The following SCP2 variants were observed in gnomAD, a reference collection of about 807,000 sequenced individuals.
SCP2 encodes SCP-2/3-oxoacyl-CoA thiolase.
In SCP2, 48 loss-of-function variants were observed where a neutral mutation model predicts 71.4. The observed-to-expected ratio is 0.67, with a 90% CI of 0.53 to 0.86. The LOEUF (loss-of-function observed/expected upper bound fraction) is 0.86. Ranked by LOEUF, SCP2 falls within the 40% of genes least tolerant of loss-of-function variation. SCP2 has a pLI of 0.00. For missense variants in SCP2, 560 were observed against 655.6 expected (o/e 0.85, Z 1.59); for synonymous variants, 220 against 218.1 (o/e 1.01, Z -0.08).
chr1:53,042,390 G>A (rs1014380008), intron 14 of SCP2, among the ~76,000 whole-genome samples: 8 of 151,220 alleles, frequency 5.3e-5, no homozygotes, highest in African/African-American at 1.9e-4. Context: ...GGTTGATAGC[G>A]TTGGTTTGTC....
intron 5 of SCP2, among the ~76,000 whole-genome samples, chr1:52,960,740 GTGTA>G (rs926421984): frequency 4.7e-4 from 70 of 150,062 alleles, no homozygotes; most frequent in Non-Finnish European, 8.9e-5. Context: ...GTGTGTGTGT[GTGTA>G]TATTTATTTA....
Position 52,988,108 on chromosome 1 carries a change from T to A in SCP2, c.1053T>A (p.Ile351=), listed in dbSNP as rs767024762. The change falls in exon 11 of 16, where the codon ATT becomes ATA. Residue 351 remains isoleucine, a synonymous_variant. Coordinates refer to ENST00000371514, the MANE Select transcript of SCP2 (RefSeq NM_002979.5). ...TCATAAATCCTAGTGGTGGACTGAT[T>A]TCAAAGGGACACCCACTAGGCGCTA... ...KWVINPSGGL[I]SKGHPLGATG... 6 of 1,590,362 alleles carry A rather than the reference T, an allele frequency of 3.8e-6. No individual in the cohort carries two copies. Among genetic ancestry groups the A allele is most frequent in the East Asian group, 4.5e-5 (2 of 44,686 alleles).
At chr1:52,995,705 A>G in intron 11 of SCP2, 2 of 753,098 alleles carry the variant, frequency 2.7e-6, no homozygotes, top group Admixed American at 1.7e-5. Context: ...CCAGAACAGC[A>G]GCTACTTTGT....
rs553613701 is a variant in SCP2, at chr1:52,929,917, C to T, written c.69+2452C>T. ...GGATTACAGGCGTGAGCCACCGCAC[C>T]TGGCCGTCAACAGGTTTTAACACAA... On this transcript the variant is annotated intron_variant, in intron 1 of 15. Coordinates refer to ENST00000371514, the MANE Select transcript of SCP2 (RefSeq NM_002979.5). Among the ~76,000 whole-genome samples, 8 of 152,354 alleles carry T rather than the reference C, an allele frequency of 5.3e-5. No individual in the cohort carries two copies. The East Asian group carries it at 1.5e-3, about 29-fold the overall frequency.
intron 14 of SCP2, among the ~76,000 whole-genome samples, chr1:53,047,422 G>A (rs1306586264): frequency 6.6e-6 from 1 of 152,198 alleles, no homozygotes; most frequent in African/African-American, 2.4e-5. Flanking sequence ...GTTACTATTA[G>A]TAATATATTG....
intron 11 of SCP2, among the ~76,000 whole-genome samples, chr1:53,000,652 A>G (rs1219995384): frequency 1.3e-5 from 2 of 152,162 alleles, no homozygotes; most frequent in African/African-American, 4.8e-5. Context: ...AGCCTCCTGA[A>G]GCTTTTAAAA....
intron 1 of SCP2, among the ~76,000 whole-genome samples, chr1:52,939,685 T>C (rs954922291): frequency 6.6e-6 from 1 of 152,218 alleles, no homozygotes; most frequent in Non-Finnish European, 1.5e-5. Context: ...TTGCTTTATT[T>C]ATTTATTTAT....
At chr1:53,050,220 C>T in intron 15 of SCP2, 1 of 235,886 alleles carries the variant, frequency 4.2e-6, no homozygotes, top group Non-Finnish European at 8.4e-6. Flanking sequence ...GATTGAATCC[C>T]AAGAGTTTCT....
chr1:52,961,685 G>C, intron 6 of SCP2, 56 bp downstream of exon 6: 1 of 1,456,912 alleles, frequency 6.9e-7, no homozygotes, highest in Non-Finnish European at 9.6e-7. Context: ...CATGAGATGA[G>C]AAATGACAGT....
At chr1:53,031,349 C>G (rs796335969) in intron 13 of SCP2, among the ~76,000 whole-genome samples, 3 of 152,318 alleles carry the variant, frequency 2.0e-5, no homozygotes, top group African/African-American at 7.2e-5. Context: ...TCCCTTGTTT[C>G]TTTCTCCTTC....
chr1:52,952,799 A>G (rs1557555081), intron 4 of SCP2, among the ~76,000 whole-genome samples: 1 of 152,068 alleles, frequency 6.6e-6, no homozygotes, highest in Non-Finnish European at 1.5e-5. Context: ...GGGCGTAGAT[A>G]ATGCCATTGT....
At chr1:52,951,919 A>G (rs556208376) in intron 4 of SCP2, among the ~76,000 whole-genome samples, 1 of 151,916 alleles carries the variant, frequency 6.6e-6, no homozygotes, top group Non-Finnish European at 1.5e-5. Flanking sequence ...GGGTTTCACT[A>G]TGTTGGCCAG....
At chr1:52,987,800 G>A (rs1659131282) in intron 10 of SCP2, among the ~76,000 whole-genome samples, 1 of 152,162 alleles carries the variant, frequency 6.6e-6, no homozygotes, top group Non-Finnish European at 1.5e-5. Context: ...AATTTTGGAA[G>A]TCAGAGAGCT....
chr1:53,032,219 T>C (rs928140852), intron 13 of SCP2, among the ~76,000 whole-genome samples: 3 of 152,236 alleles, frequency 2.0e-5, no homozygotes, highest in Non-Finnish European at 4.4e-5. Context: ...CAGTGTGGTA[T>C]GGTCAAATGG....
At chr1:53,037,929 C>CACACACAG (rs1557627796) in intron 13 of SCP2, among the ~76,000 whole-genome samples, 1 of 120,726 alleles carries the variant, frequency 8.3e-6, no homozygotes, top group African/African-American at 2.9e-5. Context: ...CACACACACA[C>CACACACAG]AGATCCAGAT....
At chr1:52,930,319 TAA>T (rs35991712) in intron 1 of SCP2, among the ~76,000 whole-genome samples, 31 of 148,172 alleles carry the variant, frequency 2.1e-4, no homozygotes, top group Middle Eastern at 3.4e-3. Flanking sequence ...AAGTATATCT[TAA>T]AAAAAAAAAA....
intron 5 of SCP2, 43 bp from the exon 6 acceptor site, chr1:52,961,460 T>G: frequency 6.2e-7 from 1 of 1,607,622 alleles, no homozygotes; most frequent in Non-Finnish European, 8.5e-7. Flanking sequence ...AAAGAGACAC[T>G]TATCATGTCA....
rs754235728 is a variant in SCP2, at chr1:52,927,351, C to T, written c.-46C>T. The T allele has an allele frequency of 5.9e-5, 87 of 1,487,148 alleles. No individual in the cohort carries two copies. Among genetic ancestry groups the T allele is most frequent in the Non-Finnish European group, 7.6e-5 (83 of 1,089,362 alleles). The allele number at this position is 1,487,148 out of a possible 1,614,324, so 92.1% of individuals were successfully genotyped here. A position where few individuals can be genotyped will look rare whatever the true frequency, so the allele number is the denominator to read the frequency against. On this transcript the variant is annotated 5_prime_UTR_variant, in exon 1 of 16. Coordinates refer to ENST00000371514, the MANE Select transcript of SCP2 (RefSeq NM_002979.5). Reference sequence around the variant, plus strand: ...TGGTGCAGTCTCCGCCTGTCAGTGCCGGCAGTCGTCCGCGGCGCCCGCCCC... The same window carrying T: ...TGGTGCAGTCTCCGCCTGTCAGTGCTGGCAGTCGTCCGCGGCGCCCGCCCC...
intron 13 of SCP2, among the ~76,000 whole-genome samples, chr1:53,037,906 A>ACACACACACACCCC (rs1287690634): frequency 7.0e-4 from 89 of 127,650 alleles, no homozygotes; most frequent in African/African-American, 2.6e-3. Context: ...ACACACACAC[A>ACACACACACACCCC]CACACACACA....
Sources: allele counts gnomAD v4.1 joint callset (sites outside exome capture counted in the v4.1 genomes callset), GRCh38; gene constraint gnomAD v4.1.1; transcripts MANE v1.5; gene names NCBI Gene and HGNC (gene_info 2026-07-23, HGNC 2026-07-21).